PTPRD: variants seen among roughly 807,000 people sequenced by gnomAD.
PTPRD encodes the protein receptor-type tyrosine-protein phosphatase delta.
A neutral mutation model predicts 214.5 loss-of-function variants in PTPRD; 34 were observed. The observed-to-expected ratio is 0.16, with a 90% CI of 0.12 to 0.21. The LOEUF is 0.21. Among genes scored for constraint, PTPRD ranks in the 10% least tolerant of loss-of-function variants. The pLI, the probability that PTPRD is intolerant of heterozygous loss-of-function variation, is 1.00. For missense variants in PTPRD, 2,545 were observed against 2,398.7 expected (o/e 1.06, Z -1.27); for synonymous variants, 1,128 against 845.7 (o/e 1.33, Z -5.79).
chr9:9,142,931 T>C (rs917487057), intron 10 of PTPRD, among the ~76,000 whole-genome samples: 2 of 152,018 alleles, frequency 1.3e-5, no homozygotes, highest in African/African-American at 4.8e-5. Flanking sequence ...GGGAACACAG[T>C]AGGAGCAGAG....
In PTPRD at chr9:9,663,992, T is replaced by A. The variant is rs566895244; in HGVS notation, c.-287+70541A>T. ...ATAACATATTACAATGAAGGAGAAC[T>A]TATGTTTTAAGTTACTTTGGATTAT... On this transcript the variant is annotated intron_variant, in intron 7 of 45. Coordinates refer to ENST00000381196, the MANE Select transcript of PTPRD (RefSeq NM_002839.4). Among the ~76,000 whole-genome samples, 3 of 151,084 alleles carry A rather than the reference T, an allele frequency of 2.0e-5. No homozygotes were observed. The South Asian group carries it at 6.2e-4, about 31-fold the overall frequency.
intron 11 of PTPRD, among the ~76,000 whole-genome samples, chr9:9,016,534 C>A (rs1307067883): frequency 6.6e-6 from 1 of 152,014 alleles, no homozygotes; most frequent in Non-Finnish European, 1.5e-5. Context: ...GGAGATGGTC[C>A]TAGTTTTATT....
intron 9 of PTPRD, among the ~76,000 whole-genome samples, chr9:9,334,640 G>C (rs2043705733): frequency 6.6e-6 from 1 of 151,836 alleles, no homozygotes; most frequent in Non-Finnish European, 1.5e-5. Context: ...CTATAAAATG[G>C]ATCTAATCAT....
chr9:8,800,259 G>A (rs1013322813), intron 11 of PTPRD, among the ~76,000 whole-genome samples: 1 of 151,946 alleles, frequency 6.6e-6, no homozygotes, highest in African/African-American at 2.4e-5. Context: ...AAAAACACGT[G>A]ATTCTATTTG....
chr9:9,933,567 G>C (rs1312341251), intron 5 of PTPRD, among the ~76,000 whole-genome samples: 1 of 151,560 alleles, frequency 6.6e-6, no homozygotes, highest in Non-Finnish European at 1.5e-5. Flanking sequence ...GGAGCACCCA[G>C]ATTCATAAAG....
chr9:9,392,152 C>G (rs2140952575), intron 9 of PTPRD, among the ~76,000 whole-genome samples: 1 of 152,286 alleles, frequency 6.6e-6, no homozygotes, highest in East Asian at 1.9e-4. Flanking sequence ...TGCTGGACAA[C>G]TGAGACTCCC....
At chr9:8,826,632 C>T (rs1288611286) in intron 11 of PTPRD, among the ~76,000 whole-genome samples, 4 of 145,360 alleles carry the variant, frequency 2.8e-5, no homozygotes, top group East Asian at 2.0e-4. Flanking sequence ...CAGGCACCAT[C>T]TTTTTTTTTT....
intron 2 of PTPRD, among the ~76,000 whole-genome samples, chr9:10,549,122 T>A (rs986649170): frequency 1.8e-4 from 28 of 152,212 alleles, no homozygotes; most frequent in African/African-American, 6.8e-4. Context: ...ATATATGTCC[T>A]GCGTAATACT....
intron 14 of PTPRD, among the ~76,000 whole-genome samples, chr9:8,579,630 T>C (rs1257352044): frequency 6.6e-6 from 1 of 152,224 alleles, no homozygotes; most frequent in Admixed American, 6.5e-5. Context: ...ACCAAAGTAT[T>C]TTAATGGAAT....
At chr9:10,558,969 G>C (rs538903093) in intron 2 of PTPRD, among the ~76,000 whole-genome samples, 11 of 152,104 alleles carry the variant, frequency 7.2e-5, no homozygotes, top group Non-Finnish European at 1.2e-4. Flanking sequence ...ACCTTTACCA[G>C]AATTACTGAA....
At chr9:10,207,834 T>C (rs2099491510) in intron 3 of PTPRD, among the ~76,000 whole-genome samples, 1 of 151,918 alleles carries the variant, frequency 6.6e-6, no homozygotes, top group Non-Finnish European at 1.5e-5. Flanking sequence ...TGTTATATCT[T>C]CTCGTATGGA....
At chr9:9,762,384 C>T (rs2098666050) in intron 6 of PTPRD, among the ~76,000 whole-genome samples, 1 of 152,170 alleles carries the variant, frequency 6.6e-6, no homozygotes, top group Non-Finnish European at 1.5e-5. Context: ...TCAGAGTACG[C>T]TTGCTTTTTT....
chr9:10,338,586 C>A (rs1480864696), intron 3 of PTPRD, among the ~76,000 whole-genome samples: 1 of 151,702 alleles, frequency 6.6e-6, no homozygotes, highest in Non-Finnish European at 1.5e-5. Flanking sequence ...TTTCCCACCC[C>A]AAACTGTACT....
chr9:8,992,610 G>A (rs755794753), intron 11 of PTPRD, among the ~76,000 whole-genome samples: 11 of 152,082 alleles, frequency 7.2e-5, no homozygotes, highest in Non-Finnish European at 1.2e-4. Flanking sequence ...AAGATACATC[G>A]ATTACTATAA....
chr9:8,809,555 C>G (rs892929934), intron 11 of PTPRD, among the ~76,000 whole-genome samples: 6 of 152,190 alleles, frequency 3.9e-5, no homozygotes, highest in Admixed American at 3.3e-4. Context: ...CTATTTTCCA[C>G]TTCTTAAAGA....
chr9:10,348,646 T>C (rs764930506), intron 2 of PTPRD, among the ~76,000 whole-genome samples: 6 of 152,212 alleles, frequency 3.9e-5, no homozygotes, highest in East Asian at 1.9e-4. Flanking sequence ...TGTTTGCATA[T>C]AACATTTGTT....
At chr9:9,983,609 C>T (rs2095614395) in intron 4 of PTPRD, among the ~76,000 whole-genome samples, 1 of 152,182 alleles carries the variant, frequency 6.6e-6, no homozygotes, top group African/African-American at 2.4e-5. Flanking sequence ...CCAAAACGTA[C>T]ACTCACATAC....
intron 3 of PTPRD, among the ~76,000 whole-genome samples, chr9:10,166,181 T>C (rs1254954600): frequency 6.7e-6 from 1 of 149,702 alleles, no homozygotes; most frequent in African/African-American, 2.4e-5. Context: ...ATAGAGAAGA[T>C]ACTGTTTAAA....
rs71332760 is a variant in PTPRD at position 10,564,171 on chromosome 9, C to CTTTTTTTTTTTTTTTTTTTT, written c.-600+48207_-600+48226dup. ...GTGTGCACCACCACACTAGGCTATT[C>CTTTTTTTTTTTTTTTTTTTT]TTTTTTTTTTTTTTTTTTTTTTTTG... On this transcript the variant is annotated intron_variant, in intron 2 of 45. Transcript: ENST00000381196. Among the ~76,000 whole-genome samples the CTTTTTTTTTTTTTTTTTTTT allele has an allele frequency of 1.3e-3, 39 of 29,406 alleles. 10 individuals are homozygous for CTTTTTTTTTTTTTTTTTTTT. Among genetic ancestry groups the CTTTTTTTTTTTTTTTTTTTT allele is most frequent in the East Asian group, 3.5e-3 (3 of 846 alleles). The allele number at this position is 29,406 out of a possible 152,430, so 19.3% of individuals were successfully genotyped here.
Sources: allele counts gnomAD v4.1 joint callset (sites outside exome capture counted in the v4.1 genomes callset), GRCh38; gene constraint gnomAD v4.1.1; transcripts MANE v1.5; gene names NCBI Gene and HGNC (gene_info 2026-07-23, HGNC 2026-07-21).